Variants in DLG2 observed in about 807,000 individuals in gnomAD.
DLG2 encodes discs large MAGUK scaffold protein 2.
A neutral mutation model predicts 132.5 loss-of-function variants in DLG2; 45 were observed. The ratio of observed to expected loss-of-function variants is 0.34; its 90% CI spans 0.27 to 0.44. The LOEUF is 0.44. Among genes scored for constraint, DLG2 ranks in the 20% least tolerant of loss-of-function variants. DLG2 has a pLI of 1.00. For missense variants in DLG2, 1,045 were observed against 1,196.9 expected, an observed-to-expected ratio of 0.87 and a Z score of 1.87; for synonymous variants, 424 against 419.6, an observed-to-expected ratio of 1.01 and a Z score of -0.13.
chr11:84,726,075 C>A (rs1384406287), intron 6 of DLG2, among the ~76,000 whole-genome samples: 1 of 152,012 alleles, frequency 6.6e-6, no homozygotes, highest in African/African-American at 2.4e-5. Flanking sequence ...TAATATGCAT[C>A]ATGTTCCCCC....
intron 3 of DLG2, among the ~76,000 whole-genome samples, chr11:85,527,226 T>TA (rs2074834966): frequency 6.6e-6 from 1 of 151,920 alleles, no homozygotes; most frequent in African/African-American, 2.4e-5. Flanking sequence ...ATGTGCCAAA[T>TA]GTGTGGGTTT....
At chr11:83,794,310 A>G (rs2042242518) in intron 17 of DLG2, among the ~76,000 whole-genome samples, 1 of 152,212 alleles carries the variant, frequency 6.6e-6, no homozygotes, top group East Asian at 1.9e-4. Context: ...TCTTATTTCT[A>G]TCCCTGAGGT....
chr11:84,024,795 CA>C (rs1170525738), intron 11 of DLG2, among the ~76,000 whole-genome samples: 4 of 150,060 alleles, frequency 2.7e-5, no homozygotes, highest in Non-Finnish European at 5.9e-5. Flanking sequence ...AAATCTCAGA[CA>C]GGGGGAATAT....
intron 7 of DLG2, among the ~76,000 whole-genome samples, chr11:84,416,745 A>G (rs960981646): frequency 6.6e-6 from 1 of 152,212 alleles, no homozygotes; most frequent in Non-Finnish European, 1.5e-5. Flanking sequence ...TAAATGAGAT[A>G]ATATAAAGCA....
At chr11:85,168,868 T>C (rs571429946) in intron 4 of DLG2, among the ~76,000 whole-genome samples, 1 of 152,152 alleles carries the variant, frequency 6.6e-6, no homozygotes, top group South Asian at 2.1e-4. Context: ...GGCTGACTAC[T>C]ATGCAGGTAT....
At chr11:85,407,764 T>A (rs1346550584) in intron 3 of DLG2, among the ~76,000 whole-genome samples, 1 of 151,798 alleles carries the variant, frequency 6.6e-6, no homozygotes, top group Non-Finnish European at 1.5e-5. Flanking sequence ...AGCAGGGAGA[T>A]GGAATAATAC....
At chr11:84,129,853 TC>T (rs1416644892) in intron 9 of DLG2, among the ~76,000 whole-genome samples, 5 of 151,980 alleles carry the variant, frequency 3.3e-5, no homozygotes, top group Admixed American at 1.3e-4. Context: ...GAATTATATC[TC>T]AATAAAGGAC....
At chr11:83,821,411 A>T (rs2050754888) in intron 17 of DLG2, among the ~76,000 whole-genome samples, 1 of 151,952 alleles carries the variant, frequency 6.6e-6, no homozygotes, top group African/African-American at 2.4e-5. Flanking sequence ...TAAGAAACTT[A>T]TTATGGATTT....
chr11:85,608,264 T>A (rs973655634), intron 2 of DLG2, among the ~76,000 whole-genome samples: 2 of 152,122 alleles, frequency 1.3e-5, no homozygotes, highest in Non-Finnish European at 2.9e-5. Flanking sequence ...AAATGCATCC[T>A]AAGCCATTGG....
At chr11:84,130,071 A>C (rs902358870) in intron 9 of DLG2, among the ~76,000 whole-genome samples, 21 of 152,042 alleles carry the variant, frequency 1.4e-4, no homozygotes, top group African/African-American at 4.6e-4. Flanking sequence ...AACTTTATCA[A>C]TTAAAAAGGT....
intron 6 of DLG2, among the ~76,000 whole-genome samples, chr11:84,932,132 A>G (rs546514498): frequency 1.3e-5 from 2 of 152,202 alleles, no homozygotes; most frequent in South Asian, 2.1e-4. Flanking sequence ...ATTCATTCCC[A>G]TTTGTCAATT....
chr11:84,860,412 C>T (rs1178287363), intron 6 of DLG2, among the ~76,000 whole-genome samples: 1 of 152,094 alleles, frequency 6.6e-6, no homozygotes, highest in African/African-American at 2.4e-5. Context: ...AATTTTCTGA[C>T]AATGAAGCTA....
intron 9 of DLG2, among the ~76,000 whole-genome samples, chr11:84,159,523 A>G (rs1488914976): frequency 1.3e-5 from 2 of 152,188 alleles, no homozygotes; most frequent in Non-Finnish European, 2.9e-5. Context: ...CTTGTTTGAG[A>G]AACGTCAAGG....
chr11:84,457,652 G>C (rs552618010), intron 7 of DLG2, among the ~76,000 whole-genome samples: 177 of 150,990 alleles, frequency 1.2e-3, no homozygotes, highest in African/African-American at 4.2e-3. Flanking sequence ...ATTAAACAGA[G>C]TGCGACCCTG....
At chr11:84,694,808 G>T (rs969776390) in intron 6 of DLG2, among the ~76,000 whole-genome samples, 11 of 151,490 alleles carry the variant, frequency 7.3e-5, no homozygotes, top group Admixed American at 5.3e-4. Flanking sequence ...CCAAATATGG[G>T]TTTGTAATAC....
At chr11:84,547,394 T>C (rs1306779506) in intron 6 of DLG2, among the ~76,000 whole-genome samples, 4 of 152,168 alleles carry the variant, frequency 2.6e-5, no homozygotes, top group Non-Finnish European at 5.9e-5. Flanking sequence ...ACTTTAGCCT[T>C]TCTTTACGCC....
At position 84,106,983 on chromosome 11, in the gene DLG2, T is replaced by G. The variant is rs1393987301; in HGVS notation, c.625-7936A>C. Among the ~76,000 whole-genome samples the G allele has an allele frequency of 1.3e-3, 71 of 56,652 alleles. 1 individual carries two copies. Among genetic ancestry groups the G allele is most frequent in the East Asian group, 2.8e-3 (7 of 2,544 alleles). 37.2% of individuals were successfully genotyped at this position (56,652 alleles called of 152,430 possible). A position where few individuals can be genotyped will look rare whatever the true frequency, so the allele number is the denominator to read the frequency against. Reference sequence around the variant, plus strand: ...GAGAGAGAGTTTTAGCCTTAGGGTGTGTGTGTGTGTGTGTGTGTGTGTGTG... The same window carrying G: ...GAGAGAGAGTTTTAGCCTTAGGGTGGGTGTGTGTGTGTGTGTGTGTGTGTG... On this transcript the variant is annotated intron_variant, in intron 9 of 27. Transcript: ENST00000376104.
chr11:85,623,635 T>C lies in DLG2; in HGVS notation c.-93+2952A>G, dbSNP rs532289336. On this transcript the variant is annotated intron_variant, in intron 2 of 27. Transcript: ENST00000376104. ...AATTTTTTAAAACACTGAAATGAAATGAACATTTATCTCAAAGTAATAAAG... is the reference window on the plus strand; with the variant it reads ...AATTTTTTAAAACACTGAAATGAAACGAACATTTATCTCAAAGTAATAAAG... 7.2e-5 allele frequency among the ~76,000 whole-genome samples: 11 copies of C among 152,206 alleles called. 1 individual carries two copies. The South Asian group carries it at 2.3e-3, about 32-fold the overall frequency.
chr11:84,213,228 C>T (rs979840448), intron 8 of DLG2, among the ~76,000 whole-genome samples: 1 of 152,180 alleles, frequency 6.6e-6, no homozygotes, highest in Non-Finnish European at 1.5e-5. Flanking sequence ...CCCATCTAAC[C>T]TTCCATACCC....
Sources: gnomAD v4.1 joint callset for allele counts (sites outside exome capture counted in the v4.1 genomes callset) on GRCh38, gnomAD v4.1.1 for gene constraint, MANE v1.5 for transcripts, NCBI Gene and HGNC (gene_info 2026-07-23, HGNC 2026-07-21) for gene names.